ACOT1: variants seen among roughly 807,000 people sequenced by gnomAD.
ACOT1 encodes acyl-CoA thioesterase 1.
In ACOT1, 8 loss-of-function variants were observed where a neutral mutation model predicts 15.7. The ratio of observed to expected loss-of-function variants is 0.51; its 90% CI spans 0.30 to 0.92. The LOEUF is 0.92. ACOT1 is among the 40% of genes least tolerant of loss of function. The pLI, the probability that ACOT1 is intolerant of heterozygous loss-of-function variation, is 0.06. For synonymous variants in ACOT1, 67 were observed against 241.2 expected, an observed-to-expected ratio of 0.28 and a Z score of 6.69; for missense variants, 151 against 539.4, an observed-to-expected ratio of 0.28 and a Z score of 7.13.
the ACOT1 span, chr14:73,492,649 A>T: frequency 6.2e-7 from 1 of 1,614,028 alleles, no homozygotes. The surrounding 1 kb of genome is among the most constrained non-coding windows in gnomAD (Gnocchi z 4.9). Context: ...AGTTGACAAC[A>T]GAAACAGAAG....
upstream of ACOT1, among the ~76,000 whole-genome samples, chr14:73,535,462 CTTCTTTCTTTTTTTTTTTTTTTT>C (rs1406243091): frequency 1.9e-4 from 11 of 59,332 alleles, 2 homozygotes; most frequent in Admixed American, 7.4e-4. Flanking sequence ...TTTTCTTTTT[CTTCTTTCTTTTTTTTTTTTTTTT>C]TTTTTTTTTT....
chr14:73,506,816 T>G, the ACOT1 span, among the ~76,000 whole-genome samples: 1 of 136,174 alleles, frequency 7.3e-6, no homozygotes, highest in Non-Finnish European at 1.5e-5. Flanking sequence ...TTTTTTTTTT[T>G]TTTTTTTTTC....
At chr14:73,491,046 C>G in the ACOT1 span, 26 of 1,586,916 alleles carry the variant, frequency 1.6e-5, no homozygotes, top group African/African-American at 3.3e-4. Flanking sequence ...AGTGCAGGGC[C>G]GTTGAGGCGC....
the ACOT1 span, among the ~76,000 whole-genome samples, chr14:73,500,230 AAAAC>A: frequency 7.1e-4 from 108 of 152,104 alleles, no homozygotes; most frequent in Middle Eastern, 3.4e-3. Context: ...ACTCCGTCTC[AAAAC>A]AAACAAACAA....
the ACOT1 span, chr14:73,506,547 C>T: frequency 1.2e-6 from 2 of 1,613,680 alleles, no homozygotes; most frequent in Non-Finnish European, 8.5e-7. Context: ...TTCAGCTCCA[C>T]AGCAAGCATG....
the ACOT1 span, among the ~76,000 whole-genome samples, chr14:73,528,415 C>CT: frequency 2.4e-5 from 2 of 84,662 alleles, no homozygotes; most frequent in African/African-American, 4.9e-5. Context: ...AAAAAAAAAA[C>CT]TTAAGGAATA....
chr14:73,509,488 G>C, the ACOT1 span: 1 of 1,613,164 alleles, frequency 6.2e-7, no homozygotes, highest in African/African-American at 1.3e-5. Context: ...GATCAAAAGA[G>C]CCAGGTAAGA....
the ACOT1 span, chr14:73,512,229 C>A: frequency 6.7e-7 from 1 of 1,503,552 alleles, no homozygotes; most frequent in Non-Finnish European, 9.1e-7. Flanking sequence ...GACAAGAAGT[C>A]TGCCCTTCAC....
upstream of ACOT1, among the ~76,000 whole-genome samples, chr14:73,533,635 C>T (rs554064126): frequency 1.8e-5 from 2 of 113,830 alleles, no homozygotes; most frequent in South Asian, 2.8e-4. Context: ...GCTGAGACCG[C>T]GCCACTGCAC....
At chr14:73,524,923 C>G in the ACOT1 span, among the ~76,000 whole-genome samples, 2 of 152,118 alleles carry the variant, frequency 1.3e-5, no homozygotes, top group Non-Finnish European at 2.9e-5. Context: ...AGCACATAGC[C>G]TCTCTCCCTA....
the ACOT1 span, among the ~76,000 whole-genome samples, chr14:73,528,392 C>CAAA: frequency 0.21 from 18,574 of 87,496 alleles, 2,833 homozygotes; most frequent in Non-Finnish European, 0.24. Flanking sequence ...AACTTCATCT[C>CAAA]AAAAAAAAAA....
the ACOT1 span, chr14:73,492,463 G>T: frequency 1.2e-6 from 2 of 1,613,806 alleles, no homozygotes; most frequent in Admixed American, 3.3e-5. The surrounding 1 kb of genome is among the most constrained non-coding windows in gnomAD (Gnocchi z 4.9). Flanking sequence ...AGAAGGTGCG[G>T]GTCTTGGTTG....
chr14:73,532,812 C>T (rs1360137375), upstream of ACOT1, among the ~76,000 whole-genome samples: 3 of 112,588 alleles, frequency 2.7e-5, 1 homozygote, highest in African/African-American at 5.8e-5. Context: ...AAAAATTAGC[C>T]GGGTGTGGTG....
intron 1 of ACOT1, among the ~76,000 whole-genome samples, chr14:73,540,890 C>T (rs1262569015): frequency 3.6e-5 from 4 of 112,402 alleles, no homozygotes; most frequent in Admixed American, 2.0e-4. Flanking sequence ...TACAGGTGGC[C>T]GCCACCACAC....
the ACOT1 span, among the ~76,000 whole-genome samples, chr14:73,513,781 G>GCA: frequency 6.9e-6 from 1 of 143,972 alleles, no homozygotes; most frequent in Admixed American, 7.2e-5. Context: ...TGAAGAGTCT[G>GCA]CAGTGTAATA....
chr14:73,497,180 G>A, the ACOT1 span, among the ~76,000 whole-genome samples: 1 of 152,140 alleles, frequency 6.6e-6, no homozygotes, highest in Non-Finnish European at 1.5e-5. Context: ...ACAGGTGTGA[G>A]CCACTGCACC....
the ACOT1 span, chr14:73,492,035 C>G: frequency 6.2e-7 from 1 of 1,614,026 alleles, no homozygotes; most frequent in Non-Finnish European, 8.5e-7. This position sits in a 1 kb window ranked among gnomAD's most constrained non-coding sequence, Gnocchi z 4.9. Context: ...CTTTGCCCCC[C>G]ACTACGACGA....
chr14:73,490,981 C>G, the ACOT1 span: 24 of 1,323,272 alleles, frequency 1.8e-5, no homozygotes, highest in South Asian at 2.2e-5. Flanking sequence ...GCTTCGCCCC[C>G]GGCCGGCCGG....
At chr14:73,508,107 G>C in the ACOT1 span, 106 of 1,609,540 alleles carry the variant, frequency 6.6e-5, no homozygotes, top group African/African-American at 1.2e-3. Flanking sequence ...CCCCAAAACT[G>C]TGTCTGACCC....
Sources: allele counts gnomAD v4.1 joint callset (sites outside exome capture counted in the v4.1 genomes callset), GRCh38; gene constraint gnomAD v4.1.1; non-coding constraint Gnocchi (gnomAD v3.1); transcripts MANE v1.5; gene names NCBI Gene and HGNC (gene_info 2026-07-23, HGNC 2026-07-21).